The following AGAP1 variants were observed in gnomAD, a reference collection of about 807,000 sequenced individuals.
AGAP1 encodes the protein ArfGAP with GTPase domain, ankyrin repeat and PH domain 1.
A neutral mutation model predicts 105.3 loss-of-function variants in AGAP1; 29 were observed. The ratio of observed to expected loss-of-function variants is 0.28; its 90% CI spans 0.21 to 0.38. The LOEUF is 0.38. Among genes scored for constraint, AGAP1 ranks in the 10% least tolerant of loss-of-function variants. The pLI is 1.00. For synonymous variants in AGAP1, 509 were observed against 485.9 expected (o/e 1.05, Z -0.63); for missense variants, 998 against 1,165.1 (o/e 0.86, Z 2.09).
intron 9 of AGAP1, among the ~76,000 whole-genome samples, chr2:235,868,482 G>A (rs867089224): frequency 3.3e-5 from 5 of 152,086 alleles, no homozygotes; most frequent in Admixed American, 1.3e-4. Flanking sequence ...ACATGGCGCC[G>A]CCTGCGTTGA....
intron 1 of AGAP1, among the ~76,000 whole-genome samples, chr2:235,676,376 CAT>C (rs956881453): frequency 2.0e-5 from 3 of 152,174 alleles, no homozygotes; most frequent in African/African-American, 4.8e-5. Context: ...GTGCTTGACA[CAT>C]AGATTTTAGT....
In AGAP1 at chr2:235,891,574, T is replaced by G. The variant is rs2050541259; in HGVS notation, c.1155+8125T>G. On this transcript the variant is annotated intron_variant, in intron 10 of 17. Coordinates refer to ENST00000304032, the MANE Select transcript of AGAP1 (RefSeq NM_001037131.3). This position sits in a 1 kb window ranked among gnomAD's most constrained non-coding sequence, Gnocchi z 4.2. ...GACCTCAGGGCTTCACAGTTCAGCG[T>G]GGCCACCTATTCATCTTCCATGTCG... Among the ~76,000 whole-genome samples the G allele has an allele frequency of 6.6e-6, 1 of 152,176 alleles. No homozygotes were observed. Among genetic ancestry groups the G allele is most frequent in the Non-Finnish European group, 1.5e-5 (1 of 68,016 alleles).
At chr2:235,618,415 G>A (rs1045459756) in intron 1 of AGAP1, among the ~76,000 whole-genome samples, 1 of 152,098 alleles carries the variant, frequency 6.6e-6, no homozygotes, top group African/African-American at 2.4e-5. Flanking sequence ...GCAAGTTGAA[G>A]CCCCTATCTG....
At chr2:235,520,310 A>G (rs1451816075) in intron 1 of AGAP1, among the ~76,000 whole-genome samples, 2 of 152,206 alleles carry the variant, frequency 1.3e-5, no homozygotes, top group African/African-American at 4.8e-5. Context: ...ATCAGGATCA[A>G]ATACTGTGTG....
chr2:235,809,229 GCAGGCTAGCTTTT>G (rs1958000850), intron 9 of AGAP1, among the ~76,000 whole-genome samples: 1 of 152,078 alleles, frequency 6.6e-6, no homozygotes, highest in South Asian at 2.1e-4. Context: ...GGCTAGCTTT[GCAGGCTAGCTTTT>G]CAATATGTGT....
rs2049668804 is a variant in AGAP1 at position 235,875,394 on chromosome 2, A to T, written c.1051-7951A>T. Among the ~76,000 whole-genome samples the T allele has an allele frequency of 1.3e-5, 2 of 152,130 alleles. No homozygotes were observed. The highest frequency in any genetic ancestry group is 6.5e-5 in the Admixed American group (1 of 15,276). ...TCACCATCGTGCTGTCTGCTGAGAG[A>T]TCTGATTCCCAGCGGACCGGCCTTC... On this transcript the variant is annotated intron_variant, in intron 9 of 17. Transcript: ENST00000304032. This position sits in a 1 kb window ranked among gnomAD's most constrained non-coding sequence, Gnocchi z 4.0.
chr2:236,080,242 G>A lies in AGAP1; in HGVS notation c.2114+30961G>A, dbSNP rs1185504570. ...GGAAAGATAGTTGGGAAAAAAGGCA[G>A]GCAGAGCCTCTGCTGGAAAGACACA... On this transcript the variant is annotated intron_variant, in intron 16 of 17. Coordinates refer to ENST00000304032, the MANE Select transcript of AGAP1 (RefSeq NM_001037131.3). This position sits in a 1 kb window ranked among gnomAD's most constrained non-coding sequence, Gnocchi z 4.2. Among the ~76,000 whole-genome samples, 1 of 152,218 alleles carries A rather than the reference G, an allele frequency of 6.6e-6. No individual in the cohort carries two copies. Among genetic ancestry groups the A allele is most frequent in the East Asian group, 1.9e-4 (1 of 5,196 alleles).
intron 1 of AGAP1, among the ~76,000 whole-genome samples, chr2:235,693,962 G>GT (rs1949868476): frequency 6.6e-6 from 1 of 152,170 alleles, no homozygotes; most frequent in African/African-American, 2.4e-5. Flanking sequence ...TTTATAAAAA[G>GT]TAACAGAAAC....
chr2:235,921,553 A>G (rs567207514), intron 11 of AGAP1, among the ~76,000 whole-genome samples: 2 of 152,350 alleles, frequency 1.3e-5, no homozygotes, highest in Admixed American at 1.3e-4. Context: ...TCTACGTTGT[A>G]GGAAAGAGCT....
rs1173208689 is a variant in AGAP1 at position 235,736,176 on chromosome 2, C to G, written c.311-4787C>G. On this transcript the variant is annotated intron_variant, in intron 3 of 17. Coordinates refer to ENST00000304032, the MANE Select transcript of AGAP1 (RefSeq NM_001037131.3). This position sits in a 1 kb window ranked among gnomAD's most constrained non-coding sequence, Gnocchi z 5.5. ...GGTCAGGCAGCTGCGACCGATCTGT[C>G]TGGTTCCTCACCCTGGGGGTGCCCG... Among the ~76,000 whole-genome samples the G allele has an allele frequency of 6.6e-6, 1 of 151,828 alleles. No homozygotes were observed. Among genetic ancestry groups the G allele is most frequent in the Non-Finnish European group, 1.5e-5 (1 of 68,008 alleles).
rs1279790162 is a variant in AGAP1 at position 235,787,343 on chromosome 2, G to T, written c.674-10416G>T. On this transcript the variant is annotated intron_variant, in intron 6 of 17. Coordinates refer to ENST00000304032, the MANE Select transcript of AGAP1 (RefSeq NM_001037131.3). The surrounding 1 kb of genome is among the most constrained non-coding windows in gnomAD (Gnocchi z 4.4). ...TATCTGAGTTTTTCCTGCTTTAAGT[G>T]CCTCTTCTATGTCTGTGCAACATTC... 6.6e-6 allele frequency among the ~76,000 whole-genome samples: 1 copy of T among 152,158 alleles called. No individual in the cohort carries two copies. Among genetic ancestry groups the T allele is most frequent in the East Asian group, 1.9e-4 (1 of 5,194 alleles).
In AGAP1 at chr2:236,042,225, G is replaced by A. The variant is rs539364119; in HGVS notation, c.1891+1384G>A. Reference sequence around the variant, plus strand: ...AGCCAGGGTCGGCTTGGCCGGGAAGGGAGACAGGAGCCCAGGACTGCTCCA... The same window carrying A: ...AGCCAGGGTCGGCTTGGCCGGGAAGAGAGACAGGAGCCCAGGACTGCTCCA... On this transcript the variant is annotated intron_variant, in intron 15 of 17. Transcript: ENST00000304032. The surrounding 1 kb of genome is among the most constrained non-coding windows in gnomAD (Gnocchi z 5.6). 1.4e-4 allele frequency among the ~76,000 whole-genome samples: 22 copies of A among 152,070 alleles called. No homozygotes were observed. Among genetic ancestry groups the A allele is most frequent in the Non-Finnish European group, 2.9e-4 (20 of 68,014 alleles).
intron 6 of AGAP1, among the ~76,000 whole-genome samples, chr2:235,772,830 C>T (rs1175260256): frequency 1.3e-5 from 2 of 152,232 alleles, no homozygotes; most frequent in Non-Finnish European, 2.9e-5. Context: ...GGGTCTCTCT[C>T]TGACCTTCAG....
At chr2:235,858,003 G>A (rs539856680) in intron 9 of AGAP1, among the ~76,000 whole-genome samples, 2 of 152,220 alleles carry the variant, frequency 1.3e-5, no homozygotes, top group African/African-American at 4.8e-5. Flanking sequence ...GAGAGTTTAT[G>A]AGATACACCA....
intron 12 of AGAP1, among the ~76,000 whole-genome samples, chr2:235,932,335 C>G (rs1373497392): frequency 1.3e-5 from 2 of 152,222 alleles, no homozygotes; most frequent in Non-Finnish European, 2.9e-5. Flanking sequence ...TGTGCCACAA[C>G]ACAGGACAGT....
intron 1 of AGAP1, among the ~76,000 whole-genome samples, chr2:235,511,397 G>T (rs1385784546): frequency 4.6e-5 from 7 of 152,108 alleles, no homozygotes; most frequent in Admixed American, 4.6e-4. Flanking sequence ...TCAGGGAGGG[G>T]GGCAGCCAGG....
At chr2:235,515,125 T>A (rs1230468829) in intron 1 of AGAP1, among the ~76,000 whole-genome samples, 1 of 152,190 alleles carries the variant, frequency 6.6e-6, no homozygotes, top group Non-Finnish European at 1.5e-5. Flanking sequence ...TGTTTACCCT[T>A]CAAGCTGGGC....
intron 1 of AGAP1, among the ~76,000 whole-genome samples, chr2:235,579,365 T>C (rs1944849983): frequency 2.0e-5 from 3 of 152,180 alleles, no homozygotes; most frequent in Admixed American, 6.5e-5. Context: ...ACAAACCTTA[T>C]TTGGGCATGA....
In AGAP1 at chr2:235,992,048, C is replaced by T. The variant is rs1406671481; in HGVS notation, c.1645+23425C>T. ...CGTTGAGACTGCTCAGTTGGTGTCT[C>T]CTCTGTCCACAGGACATGGCCGTAG... is the stretch of plus-strand genomic sequence containing the variant. On this transcript the variant is annotated intron_variant, in intron 13 of 17. Coordinates refer to ENST00000304032, the MANE Select transcript of AGAP1 (RefSeq NM_001037131.3). This position sits in a 1 kb window ranked among gnomAD's most constrained non-coding sequence, Gnocchi z 4.8. Among the ~76,000 whole-genome samples, 1 of 152,234 alleles carries T rather than the reference C, an allele frequency of 6.6e-6. No homozygotes were observed. Among genetic ancestry groups the T allele is most frequent in the Non-Finnish European group, 1.5e-5 (1 of 68,042 alleles).
Sources: gnomAD v4.1 joint callset for allele counts (sites outside exome capture counted in the v4.1 genomes callset) on GRCh38, gnomAD v4.1.1 for gene constraint, Gnocchi (gnomAD v3.1) non-coding constraint, MANE v1.5 for transcripts, NCBI Gene and HGNC (gene_info 2026-07-23, HGNC 2026-07-21) for gene names.